Variants in CNTLN observed in about 807,000 individuals in gnomAD.
The protein encoded by CNTLN is centlein, centrosomal protein.
Under a neutral mutation model 180.0 loss-of-function variants are expected in CNTLN, and 212 were observed. The observed-to-expected ratio is 1.18, with a 90% confidence interval of 1.05 to 1.32. CNTLN has a LOEUF of 1.32. Ranked by LOEUF, CNTLN falls within the 40% of genes most tolerant of loss-of-function variation. CNTLN has a pLI of 0.00. For missense variants in CNTLN, 2,095 were observed against 1,610.9 expected, an observed-to-expected ratio of 1.30 and a Z score of -5.14; for synonymous variants, 722 against 563.1, an observed-to-expected ratio of 1.28 and a Z score of -3.99.
intron 5 of CNTLN, among the ~76,000 whole-genome samples, chr9:17,241,702 T>G (rs955073770): frequency 2.0e-5 from 3 of 151,756 alleles, no homozygotes; most frequent in Admixed American, 1.3e-4. Flanking sequence ...TTCTTTCCAT[T>G]TTTTTTTGTA....
chr9:17,330,954 A>G, intron 9 of CNTLN, 146 bp downstream of exon 9: 1 of 679,350 alleles, frequency 1.5e-6, no homozygotes. Flanking sequence ...CTCTTGTTAA[A>G]TAAGTTTTAG....
At chr9:17,312,343 TTATATA>T (rs1225851796) in intron 8 of CNTLN, among the ~76,000 whole-genome samples, 1 of 30,378 alleles carries the variant, frequency 3.3e-5, no homozygotes, top group African/African-American at 9.1e-5. Context: ...ATTACTGTAT[TTATATA>T]TATATATATA....
At chr9:17,205,991 C>G (rs1178519498) in intron 2 of CNTLN, among the ~76,000 whole-genome samples, 4 of 150,736 alleles carry the variant, frequency 2.7e-5, no homozygotes, top group Admixed American at 1.3e-4. Flanking sequence ...AATAACCTGT[C>G]TGCTAGTAAT....
intron 14 of CNTLN, among the ~76,000 whole-genome samples, chr9:17,391,274 T>C (rs1227282397): frequency 6.6e-6 from 1 of 152,170 alleles, no homozygotes; most frequent in African/African-American, 2.4e-5. Context: ...CCCTCTGGAA[T>C]GAAAGTCTTC....
chr9:17,294,910 C>CG (rs1409625175), intron 6 of CNTLN, among the ~76,000 whole-genome samples: 13 of 7,444 alleles, frequency 1.7e-3, no homozygotes, highest in African/African-American at 5.1e-3. Flanking sequence ...GGGGGGAGGG[C>CG]GGGGGGGAGT....
chr9:17,337,381 G>T (rs542632709), intron 10 of CNTLN, among the ~76,000 whole-genome samples: 8 of 152,018 alleles, frequency 5.3e-5, no homozygotes, highest in African/African-American at 1.7e-4. Flanking sequence ...TAAAGTCTTC[G>T]CCCATGCCTG....
chr9:17,194,920 A>T (rs1277124138), intron 2 of CNTLN, among the ~76,000 whole-genome samples: 4 of 152,210 alleles, frequency 2.6e-5, no homozygotes, highest in South Asian at 2.1e-4. Flanking sequence ...AATGAGGAAG[A>T]TGCAAAAGCG....
At chr9:17,224,735 G>C (rs1356080102) in intron 2 of CNTLN, among the ~76,000 whole-genome samples, 1 of 151,740 alleles carries the variant, frequency 6.6e-6, no homozygotes, top group Non-Finnish European at 1.5e-5. Flanking sequence ...TCATCTCTCA[G>C]CTTTACTTTT....
At chr9:17,321,163 C>A (rs559412248) in intron 8 of CNTLN, among the ~76,000 whole-genome samples, 2 of 152,052 alleles carry the variant, frequency 1.3e-5, no homozygotes, top group South Asian at 2.1e-4. Flanking sequence ...ATACATATGA[C>A]CCTTTAAATA....
chr9:17,335,300 C>T (rs1338300011), intron 10 of CNTLN, among the ~76,000 whole-genome samples: 1 of 152,104 alleles, frequency 6.6e-6, no homozygotes, highest in Admixed American at 6.6e-5. Context: ...GGGTGGATCA[C>T]GAGTTCAAGA....
intron 13 of CNTLN, among the ~76,000 whole-genome samples, chr9:17,384,751 T>G (rs763530842): frequency 2.0e-5 from 3 of 152,230 alleles, no homozygotes; most frequent in Non-Finnish European, 4.4e-5. Context: ...ATTGCCTATT[T>G]ATCCCCAATT....
intron 2 of CNTLN, among the ~76,000 whole-genome samples, chr9:17,204,768 C>T (rs1227234257): frequency 1.3e-5 from 2 of 152,194 alleles, no homozygotes; most frequent in African/African-American, 4.8e-5. Flanking sequence ...AAAGATTAAG[C>T]CCGCTAAAGC....
chr9:17,440,016 A>G (rs1479670883), intron 18 of CNTLN, among the ~76,000 whole-genome samples: 3 of 152,212 alleles, frequency 2.0e-5, no homozygotes, highest in Non-Finnish European at 4.4e-5. Flanking sequence ...GAAATATTAA[A>G]ATAAGGGCAA....
chr9:17,273,725 A>C lies in CNTLN; in HGVS notation c.850-8A>C. ...GTTTGATTATTGATATAAGCACTCT[A>C]ATTTTAGACCTTTGAAGACAATTTA... On this transcript the variant is annotated splice_region_variant and splice_polypyrimidine_tract_variant and intron_variant, in intron 5 of 25. Coordinates refer to ENST00000380647, the MANE Select transcript of CNTLN (RefSeq NM_017738.4). 6.9e-7 allele frequency: 1 copy of C among 1,458,122 alleles called. No individual in the cohort carries two copies. Among genetic ancestry groups the C allele is most frequent in the East Asian group, 2.5e-5 (1 of 39,898 alleles). The allele number at this position is 1,458,122 out of a possible 1,614,324, so 90.3% of individuals were successfully genotyped here. A position where few individuals can be genotyped will look rare whatever the true frequency, so the allele number is the denominator to read the frequency against.
At chr9:17,295,985 AGAGAGAGAGAGAGTGTGTGTGTGT>A (rs1374925268) in intron 6 of CNTLN, among the ~76,000 whole-genome samples, 7 of 99,584 alleles carry the variant, frequency 7.0e-5, no homozygotes, top group African/African-American at 3.6e-4. Flanking sequence ...AGAGAGAGAG[AGAGAGAGAGAGAGTGTGTGTGTGT>A]GTGTGTGTGT....
At chr9:17,266,324 G>C (rs201969966) in intron 5 of CNTLN, among the ~76,000 whole-genome samples, 1 of 152,052 alleles carries the variant, frequency 6.6e-6, no homozygotes, top group East Asian at 1.9e-4. Context: ...CCAGGTTGTT[G>C]AGTTTCCATG....
chr9:17,212,574 T>G (rs1823403409), intron 2 of CNTLN, among the ~76,000 whole-genome samples: 2 of 152,208 alleles, frequency 1.3e-5, no homozygotes, highest in South Asian at 4.1e-4. Context: ...CCTCATAGAA[T>G]GAGTTAGGGA....
At chr9:17,161,444 A>G (rs201018996) in intron 2 of CNTLN, among the ~76,000 whole-genome samples, 1 of 152,194 alleles carries the variant, frequency 6.6e-6, no homozygotes, top group South Asian at 2.1e-4. Flanking sequence ...ATAAGGAAAC[A>G]TAATCTCAGG....
chr9:17,159,641 C>T (rs1171302440), intron 2 of CNTLN, among the ~76,000 whole-genome samples: 1 of 152,156 alleles, frequency 6.6e-6, no homozygotes, highest in Non-Finnish European at 1.5e-5. Flanking sequence ...TGCTGATATC[C>T]TGTTCTTCCC....
Sources: gnomAD v4.1 joint callset for allele counts (sites outside exome capture counted in the v4.1 genomes callset) on GRCh38, gnomAD v4.1.1 for gene constraint, MANE v1.5 for transcripts, NCBI Gene and HGNC (gene_info 2026-07-23, HGNC 2026-07-21) for gene names.